The following MMD2 variants were observed in gnomAD, a reference collection of about 807,000 sequenced individuals.
MMD2 encodes the protein monocyte to macrophage differentiation associated 2, also known as monocyte to macrophage differentiation factor 2.
MMD2 carries 30 observed loss-of-function variants against 33.5 expected under a neutral mutation model. The observed-to-expected ratio is 0.90, with a 90% CI of 0.67 to 1.22. The LOEUF is 1.22. Among genes scored for constraint, MMD2 ranks in the 50% most tolerant of loss-of-function variants. The probability of loss-of-function intolerance (pLI) is 0.00; values close to 1 mark genes in which losing one functional copy is unlikely to be tolerated. For synonymous variants in MMD2, 129 were observed against 123.0 expected (o/e 1.05, Z -0.32); for missense variants, 364 against 325.4 (o/e 1.12, Z -0.91).
chr7:4,907,195 T>A lies in MMD2; in HGVS notation c.*201A>T. On this transcript the variant is annotated 3_prime_UTR_variant, in exon 7 of 7. Transcript: ENST00000401401. ...AGAAACACATTACAGGGTTAATTTC[T>A]CCTCTGTAAGAATGGCTAAATGCTT... 1 of 587,252 alleles carries A rather than the reference T, an allele frequency of 1.7e-6. No homozygotes were observed. The highest frequency in any genetic ancestry group is 3.1e-6 in the Non-Finnish European group (1 of 327,528). 36.4% of individuals were successfully genotyped at this position (587,252 alleles called of 1,614,324 possible). A position where few individuals can be genotyped will look rare whatever the true frequency, so the allele number is the denominator to read the frequency against.
Position 4,927,157 on chromosome 7 carries a change from G to A in MMD2, c.48-1625C>T, listed in dbSNP as rs971063653. The stretch of plus-strand genomic sequence containing the variant: ...TGTTTGGGGATATTATGGAGAACTC[G>A]GCCCATGAACTTTTTTGTGCATATT... On this transcript the variant is annotated intron_variant, in intron 1 of 6. Coordinates refer to ENST00000401401, the MANE Select transcript of MMD2 (RefSeq NM_198403.4). Among the ~76,000 whole-genome samples the A allele has an allele frequency of 3.9e-5, 6 of 152,216 alleles. No individual in the cohort carries two copies. In the South Asian group the frequency reaches 1.2e-3, roughly 32 times the overall value.
chr7:4,955,461 A>T (rs539418210), intron 1 of MMD2, among the ~76,000 whole-genome samples: 2 of 152,316 alleles, frequency 1.3e-5, no homozygotes, highest in South Asian at 4.1e-4. Context: ...ACCACAGAAG[A>T]TACCAATACG....
At chr7:4,913,865 G>A (rs1334259629) in intron 4 of MMD2, among the ~76,000 whole-genome samples, 1 of 151,822 alleles carries the variant, frequency 6.6e-6, no homozygotes, top group Non-Finnish European at 1.5e-5. Context: ...GTTTCACCGT[G>A]TTAGCCAGGA....
At chr7:4,918,767 C>T (rs946582938) in intron 3 of MMD2, among the ~76,000 whole-genome samples, 1 of 151,840 alleles carries the variant, frequency 6.6e-6, no homozygotes, top group Non-Finnish European at 1.5e-5. Flanking sequence ...GGATTACAGG[C>T]ATGAGACACC....
chr7:4,937,217 C>T (rs1240114923), intron 1 of MMD2, among the ~76,000 whole-genome samples: 3 of 151,014 alleles, frequency 2.0e-5, no homozygotes, highest in African/African-American at 4.8e-5. Context: ...GCCAACATGG[C>T]GAAACCCCAT....
chr7:4,916,126 A>G (rs1220114870), intron 3 of MMD2, 47 bp from the exon 4 acceptor site: 1 of 1,561,132 alleles, frequency 6.4e-7, no homozygotes, highest in East Asian at 2.2e-5. Context: ...CACAGCAGGG[A>G]AGGGCCAGTG....
chr7:4,895,638 A>T, the MMD2 span, among the ~76,000 whole-genome samples: 1 of 151,986 alleles, frequency 6.6e-6, no homozygotes, highest in East Asian at 1.9e-4. Context: ...CCGGGTTCAA[A>T]CAATTCTCCT....
chr7:4,946,100 C>A lies in MMD2; in HGVS notation c.47+12871G>T, dbSNP rs1169636389. Among the ~76,000 whole-genome samples, 1 of 151,738 alleles carries A rather than the reference C, an allele frequency of 6.6e-6. No individual in the cohort carries two copies. The highest frequency in any genetic ancestry group is 2.4e-5 in the African/African-American group (1 of 41,316). On this transcript the variant is annotated intron_variant, in intron 1 of 6. Transcript: ENST00000401401. This position sits in a 1 kb window ranked among gnomAD's most constrained non-coding sequence, Gnocchi z 5.0. ...GCACGCACACGCACGCACACACACGCATGCACACGCGCACACGCACGCACA... is the reference window on the plus strand; with the variant it reads ...GCACGCACACGCACGCACACACACGAATGCACACGCGCACACGCACGCACA...
intron 1 of MMD2, 43 bp downstream of exon 1, chr7:4,958,928 G>A: frequency 1.6e-6 from 2 of 1,280,548 alleles, no homozygotes; most frequent in Non-Finnish European, 2.0e-6. Context: ...GCCGCCGCGC[G>A]CCCCTCCCTC....
rs373781311 is a variant in MMD2, at chr7:4,918,973, C to T, written c.290+1198G>A. Among the ~76,000 whole-genome samples the T allele has an allele frequency of 7.2e-5, 11 of 152,000 alleles. No individual in the cohort carries two copies. In the East Asian group the frequency reaches 1.4e-3, roughly 19 times the overall value. On this transcript the variant is annotated intron_variant, in intron 3 of 6. Coordinates refer to ENST00000401401, the MANE Select transcript of MMD2 (RefSeq NM_198403.4). ...AATTAGCTAGATGAGGTGGTGCATG[C>T]CTGTAGTCCCAGCTACTCGGGAGGC... is the stretch of plus-strand genomic sequence containing the variant.
intron 3 of MMD2, among the ~76,000 whole-genome samples, chr7:4,918,510 T>G (rs551342710): frequency 1.3e-5 from 2 of 148,964 alleles, no homozygotes; most frequent in South Asian, 4.3e-4. Flanking sequence ...TTGAGACAGA[T>G]TCTCACTCCG....
chr7:4,917,257 T>G (rs1166607848), intron 3 of MMD2, among the ~76,000 whole-genome samples: 2 of 152,186 alleles, frequency 1.3e-5, no homozygotes, highest in Non-Finnish European at 2.9e-5. Context: ...GCTCTAGGTC[T>G]CAGCTTCCTT....
intron 2 of MMD2, 22 bp from the exon 3 acceptor site, chr7:4,920,353 G>A (rs200730457): frequency 1.3e-6 from 2 of 1,599,202 alleles, no homozygotes; most frequent in East Asian, 4.5e-5. Flanking sequence ...GGGACGGCAG[G>A]GACAGGTGCA....
chr7:4,919,827 C>T (rs1052871282), intron 3 of MMD2, among the ~76,000 whole-genome samples: 7 of 151,412 alleles, frequency 4.6e-5, no homozygotes, highest in African/African-American at 1.7e-4. Flanking sequence ...ACCCAGGAGG[C>T]GGAGGTTGCA....
At position 4,906,313 on chromosome 7, in the gene MMD2, G is replaced by A. The variant is rs751258284; in HGVS notation, c.*1083C>T. On this transcript the variant is annotated 3_prime_UTR_variant, in exon 7 of 7. Transcript: ENST00000401401. ...AGGCCCCCAGCAGCCTTGTTGTTGG[G>A]CTACTGAGCACTTCAGAGGTTGGGA... is the stretch of plus-strand genomic sequence containing the variant. 1.8e-5 allele frequency: 7 copies of A among 394,068 alleles called. No individual in the cohort carries two copies. The highest frequency in any genetic ancestry group is 3.1e-5 in the Non-Finnish European group (7 of 223,744). The allele number at this position is 394,068 out of a possible 1,614,324, so 24.4% of individuals were successfully genotyped here.
chr7:4,915,398 A>G (rs1268376111), intron 4 of MMD2, among the ~76,000 whole-genome samples: 2 of 152,122 alleles, frequency 1.3e-5, no homozygotes, highest in South Asian at 2.1e-4. Flanking sequence ...ACATATTTAT[A>G]TATGTGTATA....
intron 1 of MMD2, among the ~76,000 whole-genome samples, chr7:4,948,613 G>C (rs1236888897): frequency 6.6e-6 from 1 of 152,044 alleles, no homozygotes; most frequent in Non-Finnish European, 1.5e-5. Flanking sequence ...AAAATGACAA[G>C]GTCATGAGGG....
rs114615477 is a variant in MMD2, at chr7:4,925,632, G to T, written c.48-100C>A. 1,426 of 745,134 alleles carry T rather than the reference G, an allele frequency of 1.9e-3. 15 individuals are homozygous for T. The African/African-American group carries it at 0.023, about 12-fold the overall frequency. The allele number at this position is 745,134 out of a possible 1,614,324, so 46.2% of individuals were successfully genotyped here. On this transcript the variant is annotated intron_variant, in intron 1 of 6. Coordinates refer to ENST00000401401, the MANE Select transcript of MMD2 (RefSeq NM_198403.4). The stretch of plus-strand genomic sequence containing the variant: ...ACCTTACTTCCTACTGGTAGGAAAA[G>T]AAGAGCACTCCCCTTCTCCCTTTTT...
intron 4 of MMD2, among the ~76,000 whole-genome samples, chr7:4,913,721 CAAAAAAAAA>C (rs35733360): frequency 3.0e-4 from 16 of 54,048 alleles, no homozygotes; most frequent in African/African-American, 1.3e-3. Context: ...TCTATCTCGG[CAAAAAAAAA>C]AAAAAAAAAA....
Sources: gnomAD v4.1 joint callset for allele counts (sites outside exome capture counted in the v4.1 genomes callset) on GRCh38, gnomAD v4.1.1 for gene constraint, Gnocchi (gnomAD v3.1) non-coding constraint, MANE v1.5 for transcripts, NCBI Gene and HGNC (gene_info 2026-07-23, HGNC 2026-07-21) for gene names.